LMX1B: variants seen among roughly 807,000 people sequenced by gnomAD.
LMX1B encodes the protein LIM homeobox transcription factor 1-beta.
LMX1B carries 12 observed loss-of-function variants against 51.4 expected under a neutral mutation model. The ratio of observed to expected loss-of-function variants is 0.23; its 90% CI spans 0.15 to 0.38. The LOEUF is 0.38. Ranked by LOEUF, LMX1B falls within the 10% of genes least tolerant of loss-of-function variation. The pLI, the probability that LMX1B is intolerant of heterozygous loss-of-function variation, is 1.00. For missense variants in LMX1B, 445 were observed against 571.1 expected (o/e 0.78, Z 2.25); for synonymous variants, 237 against 235.4 (o/e 1.01, Z -0.06).
In LMX1B at chr9:126,614,145, C is replaced by T. The variant is rs1338205297; in HGVS notation, c.-305C>T. Among the ~76,000 whole-genome samples the T allele has an allele frequency of 6.9e-6, 1 of 144,138 alleles. No individual in the cohort carries two copies. The highest frequency in any genetic ancestry group is 2.5e-5 in the African/African-American group (1 of 40,256). 94.6% of individuals were successfully genotyped at this position (144,138 alleles called of 152,430 possible). A position where few individuals can be genotyped will look rare whatever the true frequency, so the allele number is the denominator to read the frequency against. On this transcript the variant is annotated 5_prime_UTR_variant, in exon 1 of 8. Transcript: ENST00000373474. ...CGCCGCCGCCGCCTCCTCCCCGCGG[C>T]TCCGTCTGCAGCAGCCGCCGCCGCC...
Position 126,673,867 on chromosome 9 carries a change from C to G in LMX1B, c.327-16969C>G, listed in dbSNP as rs1472290193. ...TGTGTGTGTGAGTGTGCGCCTGTGG[C>G]AGCAGCAGAGTAAACAGCCGCTGCC... On this transcript the variant is annotated intron_variant, in intron 2 of 7. Transcript: ENST00000373474. The surrounding 1 kb of genome is among the most constrained non-coding windows in gnomAD (Gnocchi z 4.4). 6.6e-6 allele frequency among the ~76,000 whole-genome samples: 1 copy of G among 152,194 alleles called. No individual in the cohort carries two copies. The highest frequency in any genetic ancestry group is 2.4e-5 in the African/African-American group (1 of 41,430).
At chr9:126,687,951 C>T (rs957430613) in intron 2 of LMX1B, among the ~76,000 whole-genome samples, 3 of 152,172 alleles carry the variant, frequency 2.0e-5, no homozygotes, top group Admixed American at 1.3e-4. Context: ...CGCCATTAGT[C>T]GCTCTCACCC....
chr9:126,617,210 G>A (rs577970666), intron 2 of LMX1B, among the ~76,000 whole-genome samples: 146 of 152,130 alleles, frequency 9.6e-4, no homozygotes, highest in African/African-American at 3.3e-3. Context: ...TCTGTAGGGT[G>A]CACCAGCCTC....
chr9:126,684,953 A>C (rs1836744666), intron 2 of LMX1B, among the ~76,000 whole-genome samples: 1 of 152,160 alleles, frequency 6.6e-6, no homozygotes, highest in African/African-American at 2.4e-5. Flanking sequence ...TAGGAGCAGA[A>C]TACCTGGTGT....
chr9:126,630,436 T>TG (rs891819086), intron 2 of LMX1B, among the ~76,000 whole-genome samples: 3 of 152,036 alleles, frequency 2.0e-5, no homozygotes, highest in Admixed American at 2.0e-4. Flanking sequence ...ATTTCATCAC[T>TG]GGGGGGGAGG....
chr9:126,638,710 T>TATAA (rs1241568431), intron 2 of LMX1B, among the ~76,000 whole-genome samples: 1 of 152,070 alleles, frequency 6.6e-6, no homozygotes, highest in East Asian at 1.9e-4. Context: ...CTCCCATTAT[T>TATAA]AGCTGTGCTC....
In LMX1B at chr9:126,614,579, G is replaced by C. The variant is rs1017526258; in HGVS notation, c.130G>C (p.Val44Leu). The C allele has an allele frequency of 1.9e-6, 3 of 1,598,014 alleles. No homozygotes were observed. The highest frequency in any genetic ancestry group is 2.6e-6 in the Non-Finnish European group (3 of 1,172,230). ...ALRPGPATLG[V>L]LLGSDCPHPA... ...GCGCCCCGGGCCCGCCACTCTGGGG[G>C]TGCTGCTGGGTGAGTGCGGGGTCGG... is the stretch of plus-strand genomic sequence containing the variant. The change falls in exon 1 of 8, where the codon GTG becomes CTG. Residue 44 changes from valine to leucine, a missense_variant. By Grantham distance (32) the Val-to-Leu change is conservative (BLOSUM62 1). Transcript: ENST00000373474.
At chr9:126,684,239 G>A (rs1836731448) in intron 2 of LMX1B, among the ~76,000 whole-genome samples, 1 of 152,158 alleles carries the variant, frequency 6.6e-6, no homozygotes, top group South Asian at 2.1e-4. Context: ...AATCTGCCTG[G>A]TCCCCAGTGC....
intron 2 of LMX1B, among the ~76,000 whole-genome samples, chr9:126,617,101 C>A (rs910714130): frequency 6.6e-6 from 1 of 152,198 alleles, no homozygotes; most frequent in Admixed American, 6.5e-5. Flanking sequence ...GACGCCAGTC[C>A]GTTCAGTCAC....
intron 2 of LMX1B, among the ~76,000 whole-genome samples, chr9:126,678,353 C>G (rs1213382682): frequency 2.7e-5 from 4 of 150,672 alleles, no homozygotes; most frequent in Non-Finnish European, 5.9e-5. Context: ...AAAAAGACTG[C>G]GGAGAAGCTG....
chr9:126,678,890 T>G (rs1836621462), intron 2 of LMX1B, among the ~76,000 whole-genome samples: 2 of 152,256 alleles, frequency 1.3e-5, no homozygotes, highest in Non-Finnish European at 2.9e-5. Flanking sequence ...TAATGGAGTT[T>G]GTTCCAGAAA....
At chr9:126,674,767 C>T (rs1836522875) in intron 2 of LMX1B, among the ~76,000 whole-genome samples, 1 of 152,212 alleles carries the variant, frequency 6.6e-6, no homozygotes, top group African/African-American at 2.4e-5. Context: ...TGGTAACCCA[C>T]CCCCTCTCCC....
intron 2 of LMX1B, among the ~76,000 whole-genome samples, chr9:126,628,131 C>A (rs1835567976): frequency 6.6e-6 from 1 of 152,198 alleles, no homozygotes; most frequent in Non-Finnish European, 1.5e-5. Context: ...CACATCCCAC[C>A]ATCTTTCTTG....
intron 2 of LMX1B, among the ~76,000 whole-genome samples, chr9:126,684,697 C>T (rs886890164): frequency 1.3e-5 from 2 of 152,146 alleles, no homozygotes; most frequent in Non-Finnish European, 2.9e-5. Flanking sequence ...GATGTCCAGG[C>T]CTGGTCCAAT....
rs552454711 is a variant in LMX1B, at chr9:126,623,304, G to C, written c.326+7735G>C. On this transcript the variant is annotated intron_variant, in intron 2 of 7. Coordinates refer to ENST00000373474, the MANE Select transcript of LMX1B (RefSeq NM_001174147.2). The stretch of plus-strand genomic sequence containing the variant: ...CCCTCATTACTACTGAGACACGTAG[G>C]TCCCATTTTTTCCAAGAGACTCCTG... 1.8e-3 allele frequency among the ~76,000 whole-genome samples: 268 copies of C among 152,358 alleles called. 3 individuals carry two copies. Among genetic ancestry groups the C allele is most frequent in the African/African-American group, 6.1e-3 (252 of 41,586 alleles).
intron 2 of LMX1B, among the ~76,000 whole-genome samples, chr9:126,651,782 A>G (rs1454355355): frequency 2.0e-5 from 3 of 152,098 alleles, no homozygotes; most frequent in Non-Finnish European, 2.9e-5. Flanking sequence ...CTCTGAGATG[A>G]GGATCCCACA....
intron 2 of LMX1B, among the ~76,000 whole-genome samples, chr9:126,665,475 G>T (rs1012464867): frequency 6.6e-6 from 1 of 152,228 alleles, no homozygotes; most frequent in African/African-American, 2.4e-5. Context: ...GAAAAGGCTC[G>T]CCCAGTTTGG....
intron 2 of LMX1B, among the ~76,000 whole-genome samples, chr9:126,623,857 G>A (rs756742131): frequency 5.3e-5 from 8 of 152,168 alleles, no homozygotes; most frequent in Non-Finnish European, 8.8e-5. Flanking sequence ...TTCGACGTCC[G>A]GACACGCGGA....
intron 2 of LMX1B, among the ~76,000 whole-genome samples, chr9:126,617,254 CCTCA>C (rs1835320389): frequency 6.6e-6 from 1 of 151,946 alleles, no homozygotes; most frequent in East Asian, 1.9e-4. Context: ...GCACCCCTGG[CCTCA>C]CTCTGCTTGC....
Sources: allele counts gnomAD v4.1 joint callset (sites outside exome capture counted in the v4.1 genomes callset), GRCh38; gene constraint gnomAD v4.1.1; non-coding constraint Gnocchi (gnomAD v3.1); transcripts MANE v1.5; gene names NCBI Gene and HGNC (gene_info 2026-07-23, HGNC 2026-07-21).